Variants in TRA2A observed in about 807,000 individuals in gnomAD.
TRA2A encodes transformer-2 protein homolog alpha.
A neutral mutation model predicts 45.7 loss-of-function variants in TRA2A; 31 were observed. The ratio of observed to expected loss-of-function variants is 0.68; its 90% CI spans 0.51 to 0.92. The LOEUF (loss-of-function observed/expected upper bound fraction) is 0.92. Among genes scored for constraint, TRA2A ranks in the 40% least tolerant of loss-of-function variants. The pLI, the probability that TRA2A is intolerant of heterozygous loss-of-function variation, is 0.00. For missense variants in TRA2A, 304 were observed against 367.5 expected (o/e 0.83, Z 1.41); for synonymous variants, 132 against 126.2 (o/e 1.05, Z -0.31).
At position 23,516,477 on chromosome 7, in the gene TRA2A, G is replaced by A. The variant is rs775267239; in HGVS notation, c.222C>T (p.His74=). 1.2e-6 allele frequency: 2 copies of A among 1,614,098 alleles called. No homozygotes were observed. Among genetic ancestry groups the A allele is most frequent in the African/African-American group, 2.7e-5 (2 of 74,938 alleles). ...GAGATCGTCTCCTATGAGAGTGAGA[G>A]TGGGATCTGGATCGAGTGTAACGTC... The part of the protein sequence containing the change: ...SHRRYTRSRS[H]SHSHRRRSRS... The change falls in exon 3 of 8, where the codon CAC becomes CAT. Residue 74 remains histidine (H), a synonymous_variant. Transcript: ENST00000297071.
Position 23,529,525 on chromosome 7 carries a change from T to C in TRA2A, c.36+2264A>G, listed in dbSNP as rs534915421. Among the ~76,000 whole-genome samples, 4 of 152,242 alleles carry C rather than the reference T, an allele frequency of 2.6e-5. 1 individual carries two copies. The South Asian group carries it at 8.3e-4, about 32-fold the overall frequency. On this transcript the variant is annotated intron_variant, in intron 1 of 7. Coordinates refer to ENST00000297071, the MANE Select transcript of TRA2A (RefSeq NM_013293.5). ...TCCACCCGCCTCAGCCTCCCAAAAATTGTTGGATTACAGGCGTGAGCCACT... is the reference window on the plus strand; with the variant it reads ...TCCACCCGCCTCAGCCTCCCAAAAACTGTTGGATTACAGGCGTGAGCCACT...
chr7:23,512,604 G>A (rs1478627598), intron 4 of TRA2A, among the ~76,000 whole-genome samples: 3 of 151,932 alleles, frequency 2.0e-5, no homozygotes, highest in Admixed American at 6.6e-5. Context: ...GACTACAAGC[G>A]CCGGCCACCA....
intron 6 of TRA2A, 137 bp downstream of exon 6, chr7:23,505,996 GACTGC>G (rs1789317660): frequency 1.3e-6 from 1 of 792,104 alleles, no homozygotes; most frequent in Admixed American, 2.5e-5. Context: ...GACATATACA[GACTGC>G]TAACTTCTGC....
At position 23,521,718 on chromosome 7, in the gene TRA2A, T is replaced by C; in HGVS notation, c.159A>G (p.Arg53=). The C allele has an allele frequency of 6.2e-7, 1 of 1,614,134 alleles. No individual in the cohort carries two copies. The highest frequency in any genetic ancestry group is 8.5e-7 in the Non-Finnish European group (1 of 1,180,000). Residue 53 remains arginine, a synonymous_variant, in exon 2 of 8, where the codon AGA becomes AGG. Coordinates refer to ENST00000297071, the MANE Select transcript of TRA2A (RefSeq NM_013293.5). ...TTAAACACACTTACCTGGATTTTGATCTTGATCGAGAATGGGATTCAGAGT... is the reference window on the plus strand; with the variant it reads ...TTAAACACACTTACCTGGATTTTGACCTTGATCGAGAATGGGATTCAGAGT... ...SKHSESHSRS[R]SKSRSRSRRH...
At chr7:23,522,263 A>T in intron 1 of TRA2A, 1 of 1,109,760 alleles carries the variant, frequency 9.0e-7, no homozygotes, top group Non-Finnish European at 1.1e-6. Context: ...AATTCAAAAT[A>T]GCCTTAAAAA....
chr7:23,509,682 G>A (rs1217250565), intron 4 of TRA2A, among the ~76,000 whole-genome samples: 7 of 151,582 alleles, frequency 4.6e-5, no homozygotes, highest in Admixed American at 1.3e-4. Context: ...GCAGTGAGCC[G>A]AGATTGTGCC....
At chr7:23,505,935 G>A in intron 6 of TRA2A, 122 bp from the exon 7 acceptor site, 1 of 712,780 alleles carries the variant, frequency 1.4e-6, no homozygotes, top group Non-Finnish European at 2.2e-6. Flanking sequence ...TTAATATTAA[G>A]TTCTCTTTCT....
rs764849438 is a variant in TRA2A, at chr7:23,517,503, A to AAAAAAAAAAAAAAAAAAAAAAAAAAAG, written c.171-976_171-975insCTTTTTTTTTTTTTTTTTTTTTTTTTT. ...AAAAAAAAAAAAAAAAAAAAAAAAA[A>AAAAAAAAAAAAAAAAAAAAAAAAAAAG]AGAGAGAAAGAAAGAAAAATCACTT... On this transcript the variant is annotated intron_variant, in intron 2 of 7. Transcript: ENST00000297071. Among the ~76,000 whole-genome samples, 8 of 116,254 alleles carry AAAAAAAAAAAAAAAAAAAAAAAAAAAG rather than the reference A, an allele frequency of 6.9e-5. 1 individual carries two copies. Among genetic ancestry groups the AAAAAAAAAAAAAAAAAAAAAAAAAAAG allele is most frequent in the East Asian group, 3.3e-4 (1 of 2,990 alleles). 76.3% of individuals were successfully genotyped at this position (116,254 alleles called of 152,430 possible).
At chr7:23,522,348 T>C in intron 1 of TRA2A, 1 of 1,253,692 alleles carries the variant, frequency 8.0e-7, no homozygotes, top group Non-Finnish European at 1.0e-6. Flanking sequence ...TTCTGATCTT[T>C]AATACTTTTC....
chr7:23,513,872 C>T (rs1259821259), intron 3 of TRA2A, among the ~76,000 whole-genome samples: 4 of 151,378 alleles, frequency 2.6e-5, no homozygotes, highest in South Asian at 2.1e-4. Flanking sequence ...GAGGCAAAGG[C>T]GGAGGAGAAC....
chr7:23,512,373 ACT>A (rs1404143879), intron 4 of TRA2A, among the ~76,000 whole-genome samples: 1 of 152,130 alleles, frequency 6.6e-6, no homozygotes, highest in African/African-American at 2.4e-5. Flanking sequence ...AGTGTCTGCT[ACT>A]CAGGAGGCTG....
chr7:23,528,942 A>G (rs1790453212), intron 1 of TRA2A, among the ~76,000 whole-genome samples: 1 of 152,210 alleles, frequency 6.6e-6, no homozygotes, highest in Admixed American at 6.5e-5. Flanking sequence ...AAACATAAAT[A>G]ACTCTGGAAT....
At chr7:23,525,058 T>G (rs1218083088) in intron 1 of TRA2A, among the ~76,000 whole-genome samples, 1 of 152,170 alleles carries the variant, frequency 6.6e-6, no homozygotes, top group Non-Finnish European at 1.5e-5. Context: ...TAAACTTAAC[T>G]GGAAGAATAA....
rs903919463 is a variant in TRA2A at position 23,505,327 on chromosome 7, T to C, written c.*232A>G. 27 of 405,408 alleles carry C rather than the reference T, an allele frequency of 6.7e-5. No individual in the cohort carries two copies. The highest frequency in any genetic ancestry group is 1.1e-4 in the Non-Finnish European group (24 of 228,170). 25.1% of individuals were successfully genotyped at this position (405,408 alleles called of 1,614,324 possible). A position where few individuals can be genotyped will look rare whatever the true frequency, so the allele number is the denominator to read the frequency against. On this transcript the variant is annotated 3_prime_UTR_variant, in exon 8 of 8. Coordinates refer to ENST00000297071, the MANE Select transcript of TRA2A (RefSeq NM_013293.5). ...AAAGCATAACATAACATTGGGGTTC[T>C]TTTTATACTCAAGATGTTTAACTGT... is the stretch of plus-strand genomic sequence containing the variant.
intron 1 of TRA2A, chr7:23,531,186 C>A (rs986131576): frequency 1.0e-6 from 1 of 985,832 alleles, no homozygotes; most frequent in Non-Finnish European, 1.2e-6. Flanking sequence ...CTAACCACTT[C>A]ATTAGGCTCG....
intron 2 of TRA2A, among the ~76,000 whole-genome samples, chr7:23,518,105 A>AT (rs1789970055): frequency 1.3e-5 from 2 of 151,724 alleles, no homozygotes; most frequent in African/African-American, 4.8e-5. Flanking sequence ...TGCCTGGCTA[A>AT]TTTTTATATT....
chr7:23,515,920 A>AC (rs1457712071), intron 3 of TRA2A, among the ~76,000 whole-genome samples: 1 of 147,792 alleles, frequency 6.8e-6, no homozygotes, highest in African/African-American at 2.5e-5. Flanking sequence ...CACGCCTGTA[A>AC]CCCCAGCACT....
At chr7:23,519,443 T>A (rs1311284984) in intron 2 of TRA2A, among the ~76,000 whole-genome samples, 1 of 151,832 alleles carries the variant, frequency 6.6e-6, no homozygotes, top group Non-Finnish European at 1.5e-5. Flanking sequence ...GTGATGACAG[T>A]CATATAAAAT....
intron 3 of TRA2A, among the ~76,000 whole-genome samples, chr7:23,514,814 T>C (rs1172017673): frequency 6.6e-6 from 1 of 152,214 alleles, no homozygotes; most frequent in Non-Finnish European, 1.5e-5. Flanking sequence ...ATCCAGATTT[T>C]AGAAATAAAT....
Sources: gnomAD v4.1 joint callset for allele counts (sites outside exome capture counted in the v4.1 genomes callset) on GRCh38, gnomAD v4.1.1 for gene constraint, MANE v1.5 for transcripts, NCBI Gene and HGNC (gene_info 2026-07-23, HGNC 2026-07-21) for gene names.